The following TTBK2 variants were observed in gnomAD, a reference collection of about 807,000 sequenced individuals.
TTBK2 encodes the protein tau-tubulin kinase 2.
A neutral mutation model predicts 110.8 loss-of-function variants in TTBK2; 28 were observed. That is an observed-to-expected ratio of 0.25 (90% CI 0.19 to 0.35). The LOEUF (loss-of-function observed/expected upper bound fraction) is 0.35. Ranked by LOEUF, TTBK2 falls within the 10% of genes least tolerant of loss-of-function variation. The pLI is 1.00. For synonymous variants in TTBK2, 532 were observed against 527.3 expected (o/e 1.01, Z -0.12); for missense variants, 1,369 against 1,500.3 (o/e 0.91, Z 1.45).
At chr15:42,751,035 G>T (rs1456717225) in intron 14 of TTBK2, among the ~76,000 whole-genome samples, 7 of 152,302 alleles carry the variant, frequency 4.6e-5, no homozygotes, top group Admixed American at 3.9e-4. Flanking sequence ...AAAGCTAAGG[G>T]AGTTTGTTAC....
Position 42,909,056 on chromosome 15 carries a change from G to A in TTBK2, c.-68+11382C>T, listed in dbSNP as rs570535654. On this transcript the variant is annotated intron_variant, in intron 1 of 14. Coordinates refer to ENST00000267890, the MANE Select transcript of TTBK2 (RefSeq NM_173500.4). ...TTCTACTGGGCTAAAGCTCTAGGGA[G>A]AATTTATTTCCTTACCTTTTCTAGC... 2.6e-5 allele frequency among the ~76,000 whole-genome samples: 4 copies of A among 152,318 alleles called. No homozygotes were observed. The South Asian group carries it at 8.3e-4, about 32-fold the overall frequency.
chr15:42,854,927 C>T (rs1315360513), intron 3 of TTBK2, among the ~76,000 whole-genome samples: 6 of 152,126 alleles, frequency 3.9e-5, no homozygotes, highest in Non-Finnish European at 7.4e-5. Flanking sequence ...ATCCTATCTT[C>T]CCACATCAAT....
chr15:42,742,623 C>T lies in TTBK2; in HGVS notation c.*3172G>A, dbSNP rs1466828492. On this transcript the variant is annotated 3_prime_UTR_variant, in exon 15 of 15. Coordinates refer to ENST00000267890, the MANE Select transcript of TTBK2 (RefSeq NM_173500.4). ...TGTTCCACTCAAGTACCTCCAGGGA[C>T]TAACAAGGGAAGGCAAGGGCAACTG... The T allele has an allele frequency of 6.6e-6, 1 of 152,168 alleles. No individual in the cohort carries two copies. Among genetic ancestry groups the T allele is most frequent in the East Asian group, 1.9e-4 (1 of 5,202 alleles). 9.4% of individuals were successfully genotyped at this position (152,168 alleles called of 1,614,324 possible).
intron 1 of TTBK2, among the ~76,000 whole-genome samples, chr15:42,879,989 C>A (rs1894974519): frequency 2.1e-5 from 3 of 143,168 alleles, no homozygotes; most frequent in East Asian, 2.0e-4. Context: ...AGAAGAAGAT[C>A]CTGTCTCAAA....
intron 13 of TTBK2, among the ~76,000 whole-genome samples, chr15:42,764,724 G>A (rs1242072541): frequency 2.0e-5 from 3 of 152,236 alleles, no homozygotes; most frequent in African/African-American, 2.4e-5. Flanking sequence ...AAACTTAAAC[G>A]TCCCTGTCTG....
chr15:42,800,700 T>C (rs997059427), intron 9 of TTBK2, among the ~76,000 whole-genome samples: 15 of 149,162 alleles, frequency 1.0e-4, no homozygotes, highest in Non-Finnish European at 2.1e-4. Context: ...GTAGATGCAA[T>C]AGAGGGAAAG....
intron 13 of TTBK2, among the ~76,000 whole-genome samples, chr15:42,759,521 C>G (rs1884061886): frequency 6.6e-6 from 1 of 152,228 alleles, no homozygotes; most frequent in South Asian, 2.1e-4. Flanking sequence ...GAGCCAGACT[C>G]CAAACTGGCT....
chr15:42,860,004 C>T (rs1277451640), intron 3 of TTBK2, among the ~76,000 whole-genome samples: 1 of 151,770 alleles, frequency 6.6e-6, no homozygotes, highest in African/African-American at 2.4e-5. Context: ...AGTATCTGAG[C>T]TTGAGGATGT....
chr15:42,801,034 C>T lies in TTBK2; in HGVS notation c.823-6233G>A, dbSNP rs377714318. 85 of 766,050 alleles carry T rather than the reference C, an allele frequency of 1.1e-4. 1 individual carries two copies. The East Asian group carries it at 1.8e-3, about 16-fold the overall frequency. 47.5% of individuals were successfully genotyped at this position (766,050 alleles called of 1,614,324 possible). On this transcript the variant is annotated intron_variant, in intron 9 of 14. Transcript: ENST00000267890. ...CGGGTTTCGATCTTCTTCATGACCA[C>T]GGCCCTGGAGGAGCTGGTGTGGCTG...
intron 6 of TTBK2, among the ~76,000 whole-genome samples, chr15:42,819,005 ACGATTCGTGGGTGG>A (rs1892169504): frequency 6.6e-6 from 1 of 151,110 alleles, no homozygotes; most frequent in Non-Finnish European, 1.5e-5. Context: ...CAGTACCCTG[ACGATTCGTGGGTGG>A]CACTGTAGCT....
chr15:42,907,616 T>C (rs1218549956), intron 1 of TTBK2, among the ~76,000 whole-genome samples: 1 of 151,764 alleles, frequency 6.6e-6, no homozygotes, highest in Non-Finnish European at 1.5e-5. Flanking sequence ...AAAAGAGTAA[T>C]CTCATGAAGA....
intron 1 of TTBK2, among the ~76,000 whole-genome samples, chr15:42,915,553 G>C (rs1179693229): frequency 6.6e-6 from 1 of 152,170 alleles, no homozygotes; most frequent in Admixed American, 6.6e-5. Flanking sequence ...TGAGGTTTCA[G>C]GCATCCACTG....
chr15:42,765,694 G>T (rs186000940), intron 13 of TTBK2, among the ~76,000 whole-genome samples: 137 of 152,294 alleles, frequency 9.0e-4, no homozygotes, highest in African/African-American at 3.2e-3. Context: ...AAAACACTCT[G>T]CAGGATATTA....
chr15:42,789,607 G>A (rs1412046610), intron 10 of TTBK2, among the ~76,000 whole-genome samples: 2 of 151,964 alleles, frequency 1.3e-5, no homozygotes, highest in Admixed American at 6.6e-5. Flanking sequence ...GGTGACGCAG[G>A]CCTGTAATCC....
chr15:42,885,723 C>G (rs555271906), intron 1 of TTBK2, among the ~76,000 whole-genome samples: 2 of 152,216 alleles, frequency 1.3e-5, no homozygotes, highest in East Asian at 1.9e-4. Flanking sequence ...GCACTCCCCA[C>G]CCCTTCTCTC....
Position 42,753,201 on chromosome 15 carries a change from C to G in TTBK2, c.2045G>C (p.Gly682Ala). 1 of 1,612,344 alleles carries G rather than the reference C, an allele frequency of 6.2e-7. No individual in the cohort carries two copies. The highest frequency in any genetic ancestry group is 1.1e-5 in the South Asian group (1 of 90,454). ...PSVASTQSTS[G>A]SFHCGQQPEK... is the part of the protein sequence containing the mutation. ...TGGCTGCTGACCACAGTGAAAGCTT[C>G]CTGAAGTTGACTGTGTAGATGCCAC... The change falls in exon 14 of 15, where the codon GGA (glycine) becomes GCA (alanine). Residue 682 changes from glycine to alanine, a missense_variant. Transcript: ENST00000267890.
At chr15:42,882,353 C>T (rs538143040) in intron 1 of TTBK2, among the ~76,000 whole-genome samples, 1 of 152,132 alleles carries the variant, frequency 6.6e-6, no homozygotes, top group South Asian at 2.1e-4. Context: ...AATCCCAGCA[C>T]TTCGTAAGGC....
chr15:42,830,991 C>A (rs540340234), intron 4 of TTBK2, among the ~76,000 whole-genome samples: 4 of 145,542 alleles, frequency 2.7e-5, no homozygotes, highest in Non-Finnish European at 4.5e-5. Flanking sequence ...GGCAACAGAG[C>A]GAGACTCCAT....
At chr15:42,853,767 G>A (rs1893816744) in intron 3 of TTBK2, among the ~76,000 whole-genome samples, 1 of 152,072 alleles carries the variant, frequency 6.6e-6, no homozygotes. Flanking sequence ...TGTAATCCCA[G>A]CTACTCAGGA....
Sources: gnomAD v4.1 joint callset for allele counts (sites outside exome capture counted in the v4.1 genomes callset) on GRCh38, gnomAD v4.1.1 for gene constraint, MANE v1.5 for transcripts, NCBI Gene and HGNC (gene_info 2026-07-23, HGNC 2026-07-21) for gene names.